The following SLIT2 variants were observed in gnomAD, a reference collection of about 807,000 sequenced individuals.
SLIT2 encodes the protein slit guidance ligand 2, also known as slit homolog 2 protein.
A neutral mutation model predicts 185.7 loss-of-function variants in SLIT2; 41 were observed. The observed-to-expected ratio is 0.22, with a 90% CI of 0.17 to 0.29. The LOEUF is 0.29. Ranked by LOEUF, SLIT2 falls within the 10% of genes least tolerant of loss-of-function variation. The pLI is 1.00. For missense variants in SLIT2, 1,571 were observed against 1,909.0 expected, an observed-to-expected ratio of 0.82 and a Z score of 3.30; for synonymous variants, 693 against 680.2, an observed-to-expected ratio of 1.02 and a Z score of -0.29.
intron 4 of SLIT2, among the ~76,000 whole-genome samples, chr4:20,374,219 A>G (rs1431127914): frequency 1.3e-5 from 2 of 152,108 alleles, no homozygotes; most frequent in Non-Finnish European, 2.9e-5. Flanking sequence ...AACACCAGAT[A>G]TGAAGAGAGT....
intron 29 of SLIT2, among the ~76,000 whole-genome samples, chr4:20,579,937 A>T (rs563696432): frequency 6.8e-6 from 1 of 147,702 alleles, no homozygotes; most frequent in Non-Finnish European, 1.5e-5. Context: ...TATGTACAGG[A>T]AATGTAAATC....
chr4:20,325,806 C>G (rs944547049), intron 4 of SLIT2, among the ~76,000 whole-genome samples: 8 of 152,052 alleles, frequency 5.3e-5, no homozygotes, highest in African/African-American at 1.9e-4. Context: ...GAGTTCAAAG[C>G]TAGGAAAGAA....
At chr4:20,336,053 G>T (rs1016010034) in intron 4 of SLIT2, among the ~76,000 whole-genome samples, 2 of 152,060 alleles carry the variant, frequency 1.3e-5, no homozygotes, top group African/African-American at 4.8e-5. Flanking sequence ...TTATATTCCA[G>T]GTGTGTAGGG....
chr4:20,301,143 A>G (rs547432260), intron 4 of SLIT2, among the ~76,000 whole-genome samples: 22 of 152,250 alleles, frequency 1.4e-4, no homozygotes, highest in African/African-American at 5.1e-4. Flanking sequence ...CTTTGTTCAT[A>G]TGGTTGATAG....
At chr4:20,400,585 A>G (rs1726269746) in intron 4 of SLIT2, among the ~76,000 whole-genome samples, 1 of 151,822 alleles carries the variant, frequency 6.6e-6, no homozygotes, top group African/African-American at 2.4e-5. Flanking sequence ...AGAGCAAACT[A>G]TGGACTGTCT....
In SLIT2 at chr4:20,533,554, C is replaced by T; in HGVS notation, c.1689-18C>T. ...TTAGAAATTATTTAAAACCTTTGTT[C>T]CAACAATTTTTATTTAGAAACTTTA... On this transcript the variant is annotated intron_variant, in intron 17 of 36. Coordinates refer to ENST00000504154, the MANE Select transcript of SLIT2 (RefSeq NM_004787.4). 3.8e-6 allele frequency: 6 copies of T among 1,579,636 alleles called. No individual in the cohort carries two copies. The highest frequency in any genetic ancestry group is 4.3e-6 in the Non-Finnish European group (5 of 1,155,456).
At chr4:20,559,996 C>A (rs1724568962) in intron 26 of SLIT2, among the ~76,000 whole-genome samples, 1 of 151,784 alleles carries the variant, frequency 6.6e-6, no homozygotes, top group Non-Finnish European at 1.5e-5. Flanking sequence ...TAAAATAATT[C>A]ATTCAAGGAA....
chr4:20,542,969 C>A (rs1300445684), intron 21 of SLIT2, among the ~76,000 whole-genome samples: 1 of 151,868 alleles, frequency 6.6e-6, no homozygotes, highest in Non-Finnish European at 1.5e-5. Flanking sequence ...TTCCTATACC[C>A]CTTTTCTCAT....
chr4:20,594,903 G>A (rs1328441445), intron 30 of SLIT2, among the ~76,000 whole-genome samples: 1 of 152,100 alleles, frequency 6.6e-6, no homozygotes. Flanking sequence ...GTAATACCAC[G>A]AATATCACAG....
intron 15 of SLIT2, among the ~76,000 whole-genome samples, chr4:20,527,405 C>T (rs1721393469): frequency 6.6e-6 from 1 of 152,196 alleles, no homozygotes; most frequent in East Asian, 1.9e-4. Flanking sequence ...CCTGCCTCAG[C>T]CTCACCGAGT....
chr4:20,618,635 A>T (rs1316003863), intron 36 of SLIT2, 133 bp from the exon 37 acceptor site: 3 of 869,412 alleles, frequency 3.5e-6, no homozygotes, highest in Non-Finnish European at 5.3e-6. Context: ...AGGCCGTGCC[A>T]CCAGCTAATA....
chr4:20,330,809 C>G (rs1354180513), intron 4 of SLIT2, among the ~76,000 whole-genome samples: 1 of 151,838 alleles, frequency 6.6e-6, no homozygotes, highest in East Asian at 1.9e-4. Context: ...AAGTCATGGT[C>G]TTACAGAGTT....
chr4:20,596,366 A>G, intron 31 of SLIT2, 49 bp from the exon 32 acceptor site: 2 of 1,572,194 alleles, frequency 1.3e-6, no homozygotes, highest in Non-Finnish European at 1.7e-6. Context: ...TCAGATTGGC[A>G]ATTAAGTAAA....
At chr4:20,290,117 C>G (rs1023744989) in intron 4 of SLIT2, among the ~76,000 whole-genome samples, 1 of 152,194 alleles carries the variant, frequency 6.6e-6, no homozygotes, top group African/African-American at 2.4e-5. Flanking sequence ...CCCTGCTTTA[C>G]TCTGTTGAGA....
At chr4:20,342,973 G>T (rs1721089024) in intron 4 of SLIT2, among the ~76,000 whole-genome samples, 1 of 144,948 alleles carries the variant, frequency 6.9e-6, no homozygotes. Flanking sequence ...CATTATACTT[G>T]TACATATTTT....
At chr4:20,465,094 T>A (rs546125102) in intron 4 of SLIT2, among the ~76,000 whole-genome samples, 1 of 152,298 alleles carries the variant, frequency 6.6e-6, no homozygotes, top group African/African-American at 2.4e-5. Context: ...AGTCGGAGGC[T>A]AGGATGAGTT....
At position 20,542,618 on chromosome 4, in the gene SLIT2, C is replaced by T. The variant is rs1722899977; in HGVS notation, c.2268C>T (p.Val756=). 6.2e-7 allele frequency: 1 copy of T among 1,613,696 alleles called. No homozygotes were observed. The highest frequency in any genetic ancestry group is 8.5e-7 in the Non-Finnish European group (1 of 1,179,730). Residue 756 remains valine (V), a synonymous_variant, in exon 21 of 37, where the codon GTC becomes GTT. Coordinates refer to ENST00000504154, the MANE Select transcript of SLIT2 (RefSeq NM_004787.4). Reference sequence around the variant, plus strand: ...TGCCGAAAGGTATTCCAAGAGATGTCACAGAGTTGTAAGTAGAGCTTGTCT... The same window carrying T: ...TGCCGAAAGGTATTCCAAGAGATGTTACAGAGTTGTAAGTAGAGCTTGTCT... ...KVLPKGIPRD[V]TELYLDGNQF...
intron 10 of SLIT2, 69 bp from the exon 11 acceptor site, chr4:20,510,997 A>T: frequency 1.0e-6 from 1 of 984,674 alleles, no homozygotes; most frequent in Non-Finnish European, 1.6e-6. Flanking sequence ...AAAGCCATAC[A>T]TAGCTTTTTC....
intron 4 of SLIT2, among the ~76,000 whole-genome samples, chr4:20,415,439 T>C (rs1270595743): frequency 6.7e-6 from 1 of 150,182 alleles, no homozygotes; most frequent in Non-Finnish European, 1.5e-5. Flanking sequence ...AAAAAGGCTT[T>C]ATAAATATTT....
Sources: allele counts gnomAD v4.1 joint callset (sites outside exome capture counted in the v4.1 genomes callset), GRCh38; gene constraint gnomAD v4.1.1; transcripts MANE v1.5; gene names NCBI Gene and HGNC (gene_info 2026-07-23, HGNC 2026-07-21).